Variants in MRPL30 observed in about 807,000 individuals in gnomAD.
The protein encoded by MRPL30 is mitochondrial ribosomal protein L30.
Under a neutral mutation model 17.2 loss-of-function variants are expected in MRPL30, and 10 were observed. That is an observed-to-expected ratio of 0.58 (90% CI 0.36 to 0.99). MRPL30 has a LOEUF of 0.99. Ranked by LOEUF, MRPL30 falls within the 50% of genes least tolerant of loss-of-function variation. The pLI is 0.01. For missense variants in MRPL30, 170 were observed against 189.8 expected, an observed-to-expected ratio of 0.90 and a Z score of 0.61; for synonymous variants, 61 against 62.1, an observed-to-expected ratio of 0.98 and a Z score of 0.08.
At chr2:99,181,340 C>T in intron 1 of MRPL30, 91 bp downstream of exon 1, 1 of 192,288 alleles carries the variant, frequency 5.2e-6, no homozygotes, top group Non-Finnish European at 1.1e-5. Context: ...TTCCCTATTG[C>T]GTACTGAATT....
At position 99,192,224 on chromosome 2, in the gene MRPL30, A is replaced by G. The variant is rs758776863; in HGVS notation, c.133-2527A>G. ...GATGTGATTCATCTCATATGAATCA[A>G]TGCTTCTCTAGCTGCTCTCTCTGTT... On this transcript the variant is annotated intron_variant, in intron 3 of 5. Transcript: ENST00000338148. Among the ~76,000 whole-genome samples, 12 of 152,286 alleles carry G rather than the reference A, an allele frequency of 7.9e-5. No homozygotes were observed. The East Asian group carries it at 1.5e-3, about 20-fold the overall frequency.
rs2093954414 is a variant in MRPL30 at position 99,195,850 on chromosome 2, G to A, written c.*145G>A. 8.4e-7 allele frequency: 1 copy of A among 1,191,224 alleles called. No homozygotes were observed. Among genetic ancestry groups the A allele is most frequent in the Non-Finnish European group, 1.1e-6 (1 of 869,774 alleles). 73.8% of individuals were successfully genotyped at this position (1,191,224 alleles called of 1,614,324 possible). ...TAATCCCAGCACTTTGGGAGGCCAA[G>A]GCGGGCAGATCACCTGAGGTCAAGA... On this transcript the variant is annotated 3_prime_UTR_variant, in exon 6 of 6. Transcript: ENST00000338148.
chr2:99,195,236 A>G (rs1462310726), intron 5 of MRPL30, 47 bp downstream of exon 5: 1 of 1,484,210 alleles, frequency 6.7e-7, no homozygotes, highest in Non-Finnish European at 9.2e-7. Flanking sequence ...TGCCTAGTGT[A>G]ATTCTAAATG....
At chr2:99,191,961 C>G (rs2093947117) in intron 3 of MRPL30, among the ~76,000 whole-genome samples, 1 of 151,936 alleles carries the variant, frequency 6.6e-6, no homozygotes, top group African/African-American at 2.4e-5. Context: ...GCACCTACCC[C>G]TTCCTCTGAT....
Position 99,196,085 on chromosome 2 carries a change from G to GAA in MRPL30, c.*390_*391dup. 1 of 175,116 alleles carries GAA rather than the reference G, an allele frequency of 5.7e-6. No individual in the cohort carries two copies. Among genetic ancestry groups the GAA allele is most frequent in the Non-Finnish European group, 1.2e-5 (1 of 84,226 alleles). 10.8% of individuals were successfully genotyped at this position (175,116 alleles called of 1,614,324 possible). On this transcript the variant is annotated 3_prime_UTR_variant, in exon 6 of 6. Coordinates refer to ENST00000338148, the MANE Select transcript of MRPL30 (RefSeq NM_145212.4). ...GATAGGATGAGACTCCATCTCAGGG[G>GAA]AAAAAAAAAAATTTTTTTTTCACTG...
At chr2:99,185,198 G>A (rs1297287470) in intron 1 of MRPL30, among the ~76,000 whole-genome samples, 1 of 152,110 alleles carries the variant, frequency 6.6e-6, no homozygotes, top group Admixed American at 6.5e-5. Flanking sequence ...GTTTCATCCG[G>A]AAACCTTCCC....
At chr2:99,181,310 T>A (rs2093919994) in intron 1 of MRPL30, 61 bp downstream of exon 1, 1 of 259,040 alleles carries the variant, frequency 3.9e-6, no homozygotes, top group African/African-American at 2.2e-5. Flanking sequence ...CCGGGAACCC[T>A]CTGCAGATCC....
At chr2:99,181,819 G>A (rs1574841618) in intron 1 of MRPL30, among the ~76,000 whole-genome samples, 2 of 152,192 alleles carry the variant, frequency 1.3e-5, no homozygotes, top group East Asian at 3.9e-4. Context: ...TTAGGCACTA[G>A]GAGTTCAGAG....
At chr2:99,192,076 G>A (rs1388974192) in intron 3 of MRPL30, among the ~76,000 whole-genome samples, 1 of 151,984 alleles carries the variant, frequency 6.6e-6, no homozygotes, top group East Asian at 1.9e-4. Context: ...CGAGATAACT[G>A]CTGCCAACTC....
intron 2 of MRPL30, among the ~76,000 whole-genome samples, 193 bp from the exon 3 acceptor site, chr2:99,187,984 T>C (rs1574844665): frequency 6.6e-6 from 1 of 152,200 alleles, no homozygotes; most frequent in Non-Finnish European, 1.5e-5. Flanking sequence ...GGTCTAAAAG[T>C]ATATTTATAT....
chr2:99,197,045 C>A lies in MRPL30; in HGVS notation c.*1340C>A, dbSNP rs1287794215. 6.6e-6 allele frequency: 1 copy of A among 152,068 alleles called. No homozygotes were observed. The highest frequency in any genetic ancestry group is 2.4e-5 in the African/African-American group (1 of 41,402). 9.4% of individuals were successfully genotyped at this position (152,068 alleles called of 1,614,324 possible). A position where few individuals can be genotyped will look rare whatever the true frequency, so the allele number is the denominator to read the frequency against. ...TTCTGTTTTCAGCTTCAGAATTGTT[C>A]TTTGAATCCTAAGGAACCTCTGTCA... On this transcript the variant is annotated 3_prime_UTR_variant, in exon 6 of 6. Transcript: ENST00000338148.
At chr2:99,182,509 C>A (rs1012633756) in intron 1 of MRPL30, among the ~76,000 whole-genome samples, 2 of 152,206 alleles carry the variant, frequency 1.3e-5, no homozygotes, top group African/African-American at 4.8e-5. Flanking sequence ...GAACCCAGAT[C>A]GTGCCACTGC....
chr2:99,187,582 T>C (rs1239360548), intron 2 of MRPL30, among the ~76,000 whole-genome samples: 1 of 152,126 alleles, frequency 6.6e-6, no homozygotes, highest in Non-Finnish European at 1.5e-5. Flanking sequence ...TCCCAGCACG[T>C]TGGGAGGCCA....
At position 99,195,721 on chromosome 2, in the gene MRPL30, C is replaced by T. The variant is rs752289076; in HGVS notation, c.*16C>T. 2.2e-5 allele frequency: 35 copies of T among 1,607,032 alleles called. No homozygotes were observed. Among genetic ancestry groups the T allele is most frequent in the Non-Finnish European group, 2.7e-5 (32 of 1,178,226 alleles). On this transcript the variant is annotated 3_prime_UTR_variant, in exon 6 of 6. Transcript: ENST00000338148. ...TGAGTCCTAATGCCCCAGCAGCTTC[C>T]GATTGGAAAATGCAAATTGTTTTTA...
In MRPL30 at chr2:99,195,632, G is replaced by A. The variant is rs757550365; in HGVS notation, c.413G>A (p.Cys138Tyr). 11 of 1,613,598 alleles carry A rather than the reference G, an allele frequency of 6.8e-6. No individual in the cohort carries two copies. Among genetic ancestry groups the A allele is most frequent in the Non-Finnish European group, 8.5e-6 (10 of 1,179,922 alleles). ...LPAEENMSNTCLKSTGELVVQ... is the reference protein window; with the variant it reads ...LPAEENMSNTYLKSTGELVVQ... ...GCAGAGGAGAACATGTCTAACACGT[G>A]CCTCAAAAGCACTGGGGAGTTAGTA... is the stretch of plus-strand genomic sequence containing the variant. Residue 138 changes from cysteine to tyrosine, a missense_variant, in exon 6 of 6, where the codon TGC becomes TAC. Coordinates refer to ENST00000338148, the MANE Select transcript of MRPL30 (RefSeq NM_145212.4).
intron 3 of MRPL30, among the ~76,000 whole-genome samples, chr2:99,190,828 T>C (rs1312948766): frequency 6.6e-6 from 1 of 152,162 alleles, no homozygotes; most frequent in Non-Finnish European, 1.5e-5. Context: ...GATGGGTTGA[T>C]AAGTGTAGCA....
chr2:99,194,666 T>G, intron 3 of MRPL30, 85 bp from the exon 4 acceptor site: 1 of 1,181,588 alleles, frequency 8.5e-7, no homozygotes, highest in Non-Finnish European at 1.2e-6. Flanking sequence ...GTTGTGTATG[T>G]GTGTGTGTCT....
chr2:99,199,208 G>A lies in MRPL30; in HGVS notation c.*3503G>A, dbSNP rs1268488612. Among the ~76,000 whole-genome samples, 2 of 152,106 alleles carry A rather than the reference G, an allele frequency of 1.3e-5. No homozygotes were observed. The highest frequency in any genetic ancestry group is 4.8e-5 in the African/African-American group (2 of 41,406). On this transcript the variant is annotated 3_prime_UTR_variant, in exon 6 of 6. Transcript: ENST00000338148. ...ATACTTTGAGAATTAATAAGGACTA[G>A]CTTTTTGATCACACAGCTTGATAAA...
At chr2:99,185,425 C>T (rs1203266265) in intron 1 of MRPL30, among the ~76,000 whole-genome samples, 3 of 151,924 alleles carry the variant, frequency 2.0e-5, no homozygotes, top group African/African-American at 7.3e-5. Flanking sequence ...TCTTTCTTTT[C>T]TGGGGGAAAA....
Sources: gnomAD v4.1 joint callset for allele counts (sites outside exome capture counted in the v4.1 genomes callset) on GRCh38, gnomAD v4.1.1 for gene constraint, MANE v1.5 for transcripts, NCBI Gene and HGNC (gene_info 2026-07-23, HGNC 2026-07-21) for gene names.